NAV2: variants seen among roughly 807,000 people sequenced by gnomAD.
The protein encoded by NAV2 is neuron navigator 2.
In NAV2, 54 loss-of-function variants were observed where a neutral mutation model predicts 223.2. The ratio of observed to expected loss-of-function variants is 0.24; its 90% CI spans 0.19 to 0.30. The LOEUF is 0.30. NAV2 is among the 10% of genes least tolerant of loss of function. The pLI is 1.00. For synonymous variants in NAV2, 1,279 were observed against 1,239.3 expected (o/e 1.03, Z -0.67); for missense variants, 2,806 against 3,147.5 (o/e 0.89, Z 2.60).
intron 1 of NAV2, among the ~76,000 whole-genome samples, chr11:19,412,432 A>G (rs554485948): frequency 1.3e-5 from 2 of 152,194 alleles, no homozygotes; most frequent in African/African-American, 4.8e-5. Flanking sequence ...TCAGGGGCTT[A>G]TAGATAAAAC....
intron 1 of NAV2, among the ~76,000 whole-genome samples, chr11:19,614,227 A>T (rs1430713070): frequency 1.3e-5 from 2 of 152,134 alleles, no homozygotes; most frequent in African/African-American, 4.8e-5. Flanking sequence ...GGGGTTGAAG[A>T]GGAGATGAGG....
chr11:19,446,775 T>C (rs899774314), intron 1 of NAV2, among the ~76,000 whole-genome samples: 2 of 152,126 alleles, frequency 1.3e-5, no homozygotes, highest in Non-Finnish European at 1.5e-5. Context: ...AACCAGGTCA[T>C]TGTAAAGGCC....
At chr11:19,491,611 T>C (rs1167848808) in intron 1 of NAV2, among the ~76,000 whole-genome samples, 5 of 152,256 alleles carry the variant, frequency 3.3e-5, no homozygotes, top group Admixed American at 2.6e-4. Flanking sequence ...GGGAATGTTG[T>C]GGATGATTTG....
chr11:19,560,093 C>A (rs186635141), intron 1 of NAV2, among the ~76,000 whole-genome samples: 2 of 152,312 alleles, frequency 1.3e-5, no homozygotes, highest in East Asian at 3.9e-4. Context: ...TTATGACTTT[C>A]TAATTAGCTT....
chr11:19,692,909 T>A (rs754210593), intron 1 of NAV2, among the ~76,000 whole-genome samples: 1 of 152,222 alleles, frequency 6.6e-6, no homozygotes, highest in Non-Finnish European at 1.5e-5. Context: ...TTCTGTGTGC[T>A]GTTGTACATT....
intron 5 of NAV2, among the ~76,000 whole-genome samples, chr11:19,891,828 C>T (rs2041522972): frequency 6.6e-6 from 1 of 152,070 alleles, no homozygotes; most frequent in Non-Finnish European, 1.5e-5. Context: ...GAGATGCACA[C>T]ACAAGGTTAT....
At position 20,068,333 on chromosome 11, in the gene NAV2, C is replaced by T. The variant is rs1433094222; in HGVS notation, c.4918C>T (p.Leu1640=). The T allele has an allele frequency of 6.2e-7, 1 of 1,614,156 alleles. No homozygotes were observed. Among genetic ancestry groups the T allele is most frequent in the Non-Finnish European group, 8.5e-7 (1 of 1,179,968 alleles). Reference sequence around the variant, plus strand: ...CCCTTGTCATCTTTAGATTCGCAAGCTGCGGCGGGAACTGGATGCCTCCCA... The same window carrying T: ...CCCTTGTCATCTTTAGATTCGCAAGTTGCGGCGGGAACTGGATGCCTCCCA... ...EEKCQSEIRK[L]RRELDASQEK... Residue 1640 remains leucine, a synonymous_variant, in exon 22 of 38, where the codon CTG becomes TTG. Transcript: ENST00000349880.
chr11:19,702,543 C>G (rs2049536769), intron 1 of NAV2, among the ~76,000 whole-genome samples: 1 of 152,118 alleles, frequency 6.6e-6, no homozygotes, highest in Non-Finnish European at 1.5e-5. Flanking sequence ...CTTTGGGAGG[C>G]CAAGGCGGGC....
intron 1 of NAV2, among the ~76,000 whole-genome samples, chr11:19,692,921 G>T (rs115708787): frequency 0.012 from 1,824 of 152,342 alleles, 46 homozygotes; most frequent in African/African-American, 0.041. Context: ...TTGTACATTT[G>T]ATAGGCTCCA....
intron 1 of NAV2, among the ~76,000 whole-genome samples, chr11:19,631,540 A>G (rs547515071): frequency 6.6e-6 from 1 of 152,166 alleles, no homozygotes; most frequent in Non-Finnish European, 1.5e-5. Context: ...AGAGTCACTG[A>G]CTACCTTTCC....
intron 1 of NAV2, among the ~76,000 whole-genome samples, chr11:19,696,608 T>C (rs79463818): frequency 0.023 from 3,447 of 152,344 alleles, 136 homozygotes; most frequent in East Asian, 0.17. Context: ...TTACTGGTTC[T>C]GGTTTGAAAT....
chr11:20,101,052 C>T lies in NAV2; in HGVS notation c.6297C>T (p.Pro2099=). 6.2e-7 allele frequency: 1 copy of T among 1,614,176 alleles called. No individual in the cohort carries two copies. Among genetic ancestry groups the T allele is most frequent in the Non-Finnish European group, 8.5e-7 (1 of 1,180,038 alleles). ...ACCGTCGGATCATTCTCTCTGGCCC[C>T]AGCGGCACTGGGAAAACCTACCTGG... ...IEHRRIILSG[P]SGTGKTYLAN... Residue 2099 remains proline, a synonymous_variant, in exon 32 of 38, where the codon CCC becomes CCT. Coordinates refer to ENST00000349880, the MANE Select transcript of NAV2 (RefSeq NM_145117.5).
rs77709287 is a variant in NAV2 at position 19,976,481 on chromosome 11, G to A, written c.2646-7644G>A. On this transcript the variant is annotated intron_variant, in intron 10 of 37. Transcript: ENST00000349880. Reference sequence around the variant, plus strand: ...GGCGAGGCTGGCAGGGGGCCCCTGGGACCTTTTGACTCCTCTTTAACTCAG... The same window carrying A: ...GGCGAGGCTGGCAGGGGGCCCCTGGAACCTTTTGACTCCTCTTTAACTCAG... Among the ~76,000 whole-genome samples the A allele has an allele frequency of 9.6e-3, 1,456 of 152,258 alleles. 31 individuals carry two copies. The highest frequency in any genetic ancestry group is 0.033 in the African/African-American group (1,386 of 41,550).
intron 1 of NAV2, among the ~76,000 whole-genome samples, chr11:19,728,739 T>G (rs969347319): frequency 9.2e-5 from 14 of 152,230 alleles, no homozygotes; most frequent in Non-Finnish European, 1.6e-4. Context: ...GGTGTGAGTA[T>G]GTCTGTGTGT....
intron 1 of NAV2, among the ~76,000 whole-genome samples, chr11:19,717,331 G>A (rs2050386946): frequency 6.6e-6 from 1 of 152,234 alleles, no homozygotes; most frequent in African/African-American, 2.4e-5. Flanking sequence ...AGGGCAACAG[G>A]GCACAACACA....
At chr11:19,659,572 G>C (rs1327844195) in intron 1 of NAV2, among the ~76,000 whole-genome samples, 1 of 152,144 alleles carries the variant, frequency 6.6e-6, no homozygotes, top group Non-Finnish European at 1.5e-5. Flanking sequence ...AGAGATGATG[G>C]TGGCCTGAGC....
At chr11:20,045,765 C>T (rs2057366957) in intron 14 of NAV2, 95 bp downstream of exon 14, 1 of 1,073,104 alleles carries the variant, frequency 9.3e-7, no homozygotes, top group Non-Finnish European at 1.3e-6. Context: ...CTCTGTTTTT[C>T]TCCACTTTAG....
At chr11:19,968,841 G>A (rs148137094) in intron 10 of NAV2, among the ~76,000 whole-genome samples, 11 of 152,242 alleles carry the variant, frequency 7.2e-5, no homozygotes, top group Non-Finnish European at 1.2e-4. Flanking sequence ...GTGTTTCGGC[G>A]ACTTCTCAGC....
In NAV2 at chr11:20,045,147, G is replaced by T; in HGVS notation, c.3379G>T (p.Gly1127Cys). Reference protein sequence around the residue: ...ANSFGFKKQSGSAAGLAMITA... With the variant: ...ANSFGFKKQSCSAAGLAMITA... ...CAGCTTTGGGTTCAAGAAGCAGAGT[G>T]GTTCCGCCGCCGGCCTGGCCATGAT... Residue 1127 changes from glycine (G) to cysteine (C), a missense_variant, in exon 14 of 38, where the codon GGT becomes TGT. Coordinates refer to ENST00000349880, the MANE Select transcript of NAV2 (RefSeq NM_145117.5). 1 of 1,614,114 alleles carries T rather than the reference G, an allele frequency of 6.2e-7. No individual in the cohort carries two copies. The highest frequency in any genetic ancestry group is 8.5e-7 in the Non-Finnish European group (1 of 1,179,998).
Sources: gnomAD v4.1 joint callset for allele counts (sites outside exome capture counted in the v4.1 genomes callset) on GRCh38, gnomAD v4.1.1 for gene constraint, MANE v1.5 for transcripts, NCBI Gene and HGNC (gene_info 2026-07-23, HGNC 2026-07-21) for gene names.